KCNIP4: variants seen among roughly 807,000 people sequenced by gnomAD.
KCNIP4 encodes the protein potassium voltage-gated channel interacting protein 4.
A neutral mutation model predicts 34.0 loss-of-function variants in KCNIP4; 12 were observed. The ratio of observed to expected loss-of-function variants is 0.35; its 90% CI spans 0.23 to 0.57. KCNIP4 has a LOEUF of 0.57. Among genes scored for constraint, KCNIP4 ranks in the 20% least tolerant of loss-of-function variants. The pLI is 0.83. For synonymous variants in KCNIP4, 124 were observed against 102.2 expected (o/e 1.21, Z -1.29); for missense variants, 238 against 311.7 (o/e 0.76, Z 1.78).
At chr4:20,793,330 A>C (rs534612686) in intron 3 of KCNIP4, among the ~76,000 whole-genome samples, 4 of 152,310 alleles carry the variant, frequency 2.6e-5, no homozygotes, top group African/African-American at 7.2e-5. Context: ...TTATTTTATA[A>C]AATTTTAGAA....
intron 1 of KCNIP4, among the ~76,000 whole-genome samples, chr4:21,522,930 G>A (rs1453559418): frequency 6.6e-6 from 1 of 151,892 alleles, no homozygotes; most frequent in African/African-American, 2.4e-5. Context: ...GAAATTCCAT[G>A]TGTTGAATAC....
intron 1 of KCNIP4, among the ~76,000 whole-genome samples, chr4:20,972,326 G>A (rs1454103902): frequency 6.6e-6 from 1 of 152,140 alleles, no homozygotes. Flanking sequence ...CACTCTTTAT[G>A]GCAGCTATAG....
chr4:21,086,025 C>T (rs1416694877), intron 1 of KCNIP4, among the ~76,000 whole-genome samples: 1 of 152,178 alleles, frequency 6.6e-6, no homozygotes, highest in Non-Finnish European at 1.5e-5. Context: ...TGCTCCCTCA[C>T]TGTGGACTGG....
chr4:21,457,965 G>A (rs1729104772), intron 1 of KCNIP4, among the ~76,000 whole-genome samples: 1 of 151,770 alleles, frequency 6.6e-6, no homozygotes, highest in South Asian at 2.1e-4. Context: ...TATTCCCTGT[G>A]AATCCATCTT....
chr4:21,893,015 A>G (rs978183864), intron 1 of KCNIP4, among the ~76,000 whole-genome samples: 2 of 152,146 alleles, frequency 1.3e-5, no homozygotes, highest in Admixed American at 6.6e-5. Context: ...GATCTGAATA[A>G]CTCATCTACA....
chr4:21,879,743 A>G (rs1003587678), intron 1 of KCNIP4, among the ~76,000 whole-genome samples: 1 of 152,120 alleles, frequency 6.6e-6, no homozygotes, highest in Non-Finnish European at 1.5e-5. Flanking sequence ...ATAATAATCT[A>G]TTGATATGGT....
intron 1 of KCNIP4, among the ~76,000 whole-genome samples, chr4:21,473,099 C>A (rs34363750): frequency 0.12 from 19,001 of 152,140 alleles, 1,352 homozygotes; most frequent in South Asian, 0.21. Context: ...GGCAACGTTT[C>A]GTTAGAAATT....
chr4:21,608,207 A>C lies in KCNIP4; in HGVS notation c.61+340364T>G, dbSNP rs932062774. ...ACCTTAGAAGCTTAAAGAAACACAA[A>C]TTTATTGTCTGACATTTTCTATAGG... On this transcript the variant is annotated intron_variant, in intron 1 of 8. Coordinates refer to ENST00000382152, the MANE Select transcript of KCNIP4 (RefSeq NM_025221.6). Among the ~76,000 whole-genome samples the C allele has an allele frequency of 7.9e-5, 12 of 152,176 alleles. No individual in the cohort carries two copies. In the East Asian group the frequency reaches 2.3e-3, roughly 29 times the overall value.
intron 1 of KCNIP4, among the ~76,000 whole-genome samples, chr4:21,063,985 C>T (rs963098436): frequency 1.3e-5 from 2 of 152,122 alleles, no homozygotes; most frequent in Non-Finnish European, 2.9e-5. Context: ...AAGATTCATA[C>T]TAACATCTCA....
intron 3 of KCNIP4, among the ~76,000 whole-genome samples, chr4:20,783,305 T>C (rs1048180147): frequency 6.6e-6 from 1 of 152,188 alleles, no homozygotes; most frequent in African/African-American, 2.4e-5. Flanking sequence ...TCAGGTATCT[T>C]TTCAGCAACA....
chr4:21,808,360 C>T (rs1721426563), intron 1 of KCNIP4, among the ~76,000 whole-genome samples: 2 of 152,096 alleles, frequency 1.3e-5, no homozygotes, highest in African/African-American at 2.4e-5. Context: ...TCAGCCTACT[C>T]GACATGAAAT....
At chr4:20,834,344 A>C (rs978283317) in intron 3 of KCNIP4, among the ~76,000 whole-genome samples, 1 of 152,216 alleles carries the variant, frequency 6.6e-6, no homozygotes, top group East Asian at 1.9e-4. Context: ...ACTATGTGCC[A>C]GGAAAAGTAC....
rs138589925 is a variant in KCNIP4, at chr4:21,219,600, A to T, written c.62-336891T>A. 2.0e-4 allele frequency among the ~76,000 whole-genome samples: 31 copies of T among 152,286 alleles called. 1 individual carries two copies. The East Asian group carries it at 5.0e-3, about 25-fold the overall frequency. ...ATTATACATTCTCAAATTAACCTAC[A>T]TTCATTTGCAACTGGTTGAGAGAAG... On this transcript the variant is annotated intron_variant, in intron 1 of 8. Transcript: ENST00000382152.
At chr4:21,119,552 C>A (rs1463652338) in intron 1 of KCNIP4, among the ~76,000 whole-genome samples, 1 of 151,376 alleles carries the variant, frequency 6.6e-6, no homozygotes, top group Non-Finnish European at 1.5e-5. Flanking sequence ...CTAAAAATAA[C>A]TAGCGTAACC....
chr4:21,652,878 T>A (rs928743761), intron 1 of KCNIP4, among the ~76,000 whole-genome samples: 1 of 152,164 alleles, frequency 6.6e-6, no homozygotes, highest in African/African-American at 2.4e-5. Context: ...TGCAGTAGGA[T>A]GTGCTTAAGC....
chr4:20,926,581 A>G (rs1365962655), intron 1 of KCNIP4, among the ~76,000 whole-genome samples: 1 of 152,224 alleles, frequency 6.6e-6, no homozygotes, highest in Non-Finnish European at 1.5e-5. Context: ...ATTTAAAATC[A>G]ACCACTGCAG....
At chr4:21,855,928 T>C (rs146021984) in intron 1 of KCNIP4, among the ~76,000 whole-genome samples, 63 of 152,338 alleles carry the variant, frequency 4.1e-4, no homozygotes, top group African/African-American at 1.4e-3. Context: ...TCTTTTAAAA[T>C]TTAAATCAAT....
At chr4:20,939,619 G>T (rs571627272) in intron 1 of KCNIP4, among the ~76,000 whole-genome samples, 3 of 151,946 alleles carry the variant, frequency 2.0e-5, no homozygotes, top group Non-Finnish European at 4.4e-5. Context: ...TGATCCGCCC[G>T]CCTCAGCCTC....
chr4:21,040,764 C>A (rs9996925), intron 1 of KCNIP4, among the ~76,000 whole-genome samples: 4,164 of 151,984 alleles, frequency 0.027, 171 homozygotes, highest in African/African-American at 0.094. Context: ...ATCCCAGGCA[C>A]CCAAAACACA....
Sources: allele counts gnomAD v4.1 joint callset (sites outside exome capture counted in the v4.1 genomes callset), GRCh38; gene constraint gnomAD v4.1.1; transcripts MANE v1.5; gene names NCBI Gene and HGNC (gene_info 2026-07-23, HGNC 2026-07-21).